The following AGBL1 variants were observed in gnomAD, a reference collection of about 807,000 sequenced individuals.
The protein encoded by AGBL1 is cytosolic carboxypeptidase 4.
AGBL1 carries 130 observed loss-of-function variants against 118.9 expected under a neutral mutation model. That is an observed-to-expected ratio of 1.09 (90% CI 0.95 to 1.26). The LOEUF (loss-of-function observed/expected upper bound fraction) is 1.26. Among genes scored for constraint, AGBL1 ranks in the 50% most tolerant of loss-of-function variants. The pLI is 0.00. For synonymous variants in AGBL1, 555 were observed against 478.9 expected, an observed-to-expected ratio of 1.16 and a Z score of -2.08; for missense variants, 1,584 against 1,298.1, an observed-to-expected ratio of 1.22 and a Z score of -3.38.
At chr15:87,030,852 C>T (rs1596760243), downstream of AGBL1, among the ~76,000 whole-genome samples, 2 of 152,020 alleles carry the variant, frequency 1.3e-5, no homozygotes, top group African/African-American at 4.8e-5. Flanking sequence ...ACTCTACTCG[C>T]ACCAAGCCAC....
At chr15:86,367,381 G>C (rs988137547) in intron 17 of AGBL1, among the ~76,000 whole-genome samples, 1 of 152,126 alleles carries the variant, frequency 6.6e-6, no homozygotes, top group African/African-American at 2.4e-5. Context: ...ATTGCATGAA[G>C]CATCTTTCCT....
At chr15:86,626,995 G>C (rs1296725382) in intron 21 of AGBL1, among the ~76,000 whole-genome samples, 1 of 146,700 alleles carries the variant, frequency 6.8e-6, no homozygotes. Flanking sequence ...CTGCCACAAC[G>C]ACCAGCTAAT....
intron 21 of AGBL1, among the ~76,000 whole-genome samples, chr15:86,650,550 T>C (rs2085351984): frequency 6.6e-6 from 1 of 152,202 alleles, no homozygotes; most frequent in Non-Finnish European, 1.5e-5. Flanking sequence ...TGTTTTTTCC[T>C]AAGCCAAGAA....
intron 21 of AGBL1, among the ~76,000 whole-genome samples, chr15:86,579,828 G>A (rs2084149257): frequency 6.6e-6 from 1 of 152,172 alleles, no homozygotes. Context: ...AGGTGCAATT[G>A]ACCGGACTGG....
intron 1 of AGBL1, among the ~76,000 whole-genome samples, chr15:86,125,463 C>T (rs75236364): frequency 0.013 from 2,006 of 152,250 alleles, 48 homozygotes; most frequent in African/African-American, 0.046. Context: ...TTTGCAGCTG[C>T]GTTGAGAACT....
chr15:86,626,836 CTTTTTTTT>C (rs11318598), intron 21 of AGBL1, among the ~76,000 whole-genome samples: 1 of 117,826 alleles, frequency 8.5e-6, no homozygotes, highest in South Asian at 2.9e-4. Context: ...ATATACTTTT[CTTTTTTTT>C]TTTTTTTTTT....
At chr15:86,961,063 T>TA (rs1318766940) in intron 23 of AGBL1, among the ~76,000 whole-genome samples, 1 of 152,034 alleles carries the variant, frequency 6.6e-6, no homozygotes, top group African/African-American at 2.4e-5. Context: ...TGAAATTTGC[T>TA]AAAAAAGTAG....
intron 23 of AGBL1, among the ~76,000 whole-genome samples, chr15:86,938,581 C>T (rs898550738): frequency 6.6e-6 from 1 of 152,160 alleles, no homozygotes; most frequent in Non-Finnish European, 1.5e-5. Context: ...GACACTCAGC[C>T]ATTCCAAGCA....
intron 5 of AGBL1, among the ~76,000 whole-genome samples, chr15:86,216,077 T>C (rs2078183129): frequency 2.0e-5 from 3 of 152,244 alleles, no homozygotes; most frequent in East Asian, 1.9e-4. Context: ...AGAGATACAA[T>C]TGACGTTTGT....
chr15:86,570,254 C>A (rs1024116638), intron 21 of AGBL1, among the ~76,000 whole-genome samples: 1 of 152,208 alleles, frequency 6.6e-6, no homozygotes, highest in Admixed American at 6.5e-5. Context: ...GGTCCCCAAA[C>A]ACTGGTAGGA....
intron 6 of AGBL1, among the ~76,000 whole-genome samples, chr15:86,232,619 A>G (rs2078474112): frequency 6.6e-6 from 1 of 152,110 alleles, no homozygotes; most frequent in African/African-American, 2.4e-5. Flanking sequence ...TTGCATTTTC[A>G]GTGATGTTAG....
chr15:86,397,862 A>G (rs1271161431), intron 18 of AGBL1, among the ~76,000 whole-genome samples: 2 of 152,162 alleles, frequency 1.3e-5, no homozygotes, highest in African/African-American at 4.8e-5. Context: ...ATAGAATCAC[A>G]GGCAATTAAT....
rs1467453015 is a variant in AGBL1 at position 86,486,871 on chromosome 15, G to A, written c.2556-35939G>A. Among the ~76,000 whole-genome samples the A allele has an allele frequency of 2.6e-5, 4 of 152,084 alleles. No homozygotes were observed. In the East Asian group the frequency reaches 7.8e-4, roughly 30 times the overall value. ...GCACTTTTATTCGACTTGGACCTCTGTACATGGATTCCTGATGAGTGGCCG... is the reference window on the plus strand; with the variant it reads ...GCACTTTTATTCGACTTGGACCTCTATACATGGATTCCTGATGAGTGGCCG... On this transcript the variant is annotated intron_variant, in intron 18 of 22. Transcript: ENST00000614907.
intron 21 of AGBL1, among the ~76,000 whole-genome samples, chr15:86,652,028 A>C (rs1391404391): frequency 6.6e-6 from 1 of 152,132 alleles, no homozygotes; most frequent in Admixed American, 6.6e-5. Context: ...GAAGCCTTCC[A>C]TTGTCTGAGA....
intron 21 of AGBL1, among the ~76,000 whole-genome samples, chr15:86,603,194 C>T (rs983822271): frequency 6.6e-5 from 10 of 152,154 alleles, no homozygotes; most frequent in African/African-American, 1.9e-4. Context: ...CCCCCACCAT[C>T]ATCCATTTCT....
chr15:86,703,461 T>C lies in AGBL1; in HGVS notation c.3158+29025T>C, dbSNP rs1486382941. Among the ~76,000 whole-genome samples, 4 of 152,298 alleles carry C rather than the reference T, an allele frequency of 2.6e-5. No homozygotes were observed. The East Asian group carries it at 5.8e-4, about 22-fold the overall frequency. ...CAAATAGGAATAATAATAGTACTTCTTTTATAATGTTGATCTAAAGATTAA... is the reference window on the plus strand; with the variant it reads ...CAAATAGGAATAATAATAGTACTTCCTTTATAATGTTGATCTAAAGATTAA... On this transcript the variant is annotated intron_variant, in intron 22 of 22. Transcript: ENST00000614907.
intron 18 of AGBL1, among the ~76,000 whole-genome samples, chr15:86,453,698 G>A (rs1449189161): frequency 6.6e-6 from 1 of 152,134 alleles, no homozygotes; most frequent in Non-Finnish European, 1.5e-5. Context: ...ACTGATTTCA[G>A]TGTTTACATT....
At chr15:86,429,149 T>A (rs1596103652) in intron 18 of AGBL1, among the ~76,000 whole-genome samples, 1 of 152,336 alleles carries the variant, frequency 6.6e-6, no homozygotes, top group African/African-American at 2.4e-5. Context: ...GGACCTTAGG[T>A]CTAGAATAGC....
chr15:86,703,344 G>A (rs1466152116), intron 22 of AGBL1, among the ~76,000 whole-genome samples: 2 of 152,152 alleles, frequency 1.3e-5, no homozygotes, highest in African/African-American at 4.8e-5. Flanking sequence ...GGAGCCATAT[G>A]GCGTGACTTT....
Sources: allele counts gnomAD v4.1 joint callset (sites outside exome capture counted in the v4.1 genomes callset), GRCh38; gene constraint gnomAD v4.1.1; transcripts MANE v1.5; gene names NCBI Gene and HGNC (gene_info 2026-07-23, HGNC 2026-07-21).